FAT3: variants seen among roughly 807,000 people sequenced by gnomAD.
FAT3 encodes the protein protocadherin Fat 3.
Under a neutral mutation model 310.2 loss-of-function variants are expected in FAT3, and 95 were observed. That is an observed-to-expected ratio of 0.31 (90% CI 0.26 to 0.36). The LOEUF (loss-of-function observed/expected upper bound fraction) is 0.36. FAT3 is among the 10% of genes least tolerant of loss of function. FAT3 has a pLI of 1.00. For synonymous variants in FAT3, 2,314 were observed against 2,192.9 expected (o/e 1.06, Z -1.54); for missense variants, 5,408 against 5,715.6 (o/e 0.95, Z 1.74).
intron 2 of FAT3, among the ~76,000 whole-genome samples, chr11:92,517,323 C>T (rs184675104): frequency 6.6e-6 from 1 of 152,036 alleles, no homozygotes; most frequent in East Asian, 1.9e-4. Flanking sequence ...CCAGAAATAA[C>T]CACACATTTA....
At chr11:92,733,078 A>T (rs563928921) in intron 4 of FAT3, among the ~76,000 whole-genome samples, 1 of 152,246 alleles carries the variant, frequency 6.6e-6, no homozygotes, top group African/African-American at 2.4e-5. Flanking sequence ...GAGAGGAGGG[A>T]AGATGTGGAG....
intron 3 of FAT3, among the ~76,000 whole-genome samples, chr11:92,626,592 G>T (rs1941348700): frequency 6.6e-6 from 1 of 151,858 alleles, no homozygotes. Flanking sequence ...GGCACTTATT[G>T]TGTTCCAGAA....
intron 1 of FAT3, among the ~76,000 whole-genome samples, chr11:92,307,474 C>T (rs976437323): frequency 6.6e-6 from 1 of 152,180 alleles, no homozygotes; most frequent in Non-Finnish European, 1.5e-5. Context: ...GCCTCATCCA[C>T]AAGATCACTG....
intron 2 of FAT3, among the ~76,000 whole-genome samples, chr11:92,456,433 T>G (rs1270331388): frequency 6.6e-6 from 1 of 152,102 alleles, no homozygotes; most frequent in Non-Finnish European, 1.5e-5. Flanking sequence ...AATAAGAACC[T>G]CCTTATCATT....
At chr11:92,581,333 C>T (rs575473502) in intron 3 of FAT3, among the ~76,000 whole-genome samples, 1 of 152,108 alleles carries the variant, frequency 6.6e-6, no homozygotes, top group East Asian at 1.9e-4. Flanking sequence ...CAACGGCTCC[C>T]TCCTTGCAGT....
At chr11:92,600,583 C>T (rs1221864784) in intron 3 of FAT3, among the ~76,000 whole-genome samples, 1 of 152,102 alleles carries the variant, frequency 6.6e-6, no homozygotes, top group Admixed American at 6.5e-5. Context: ...TTCATTTGTT[C>T]ATTTGTTAAT....
intron 4 of FAT3, among the ~76,000 whole-genome samples, chr11:92,707,892 TA>T (rs1000186035): frequency 2.6e-5 from 4 of 152,210 alleles, no homozygotes; most frequent in South Asian, 2.1e-4. Flanking sequence ...ACAGCAAGTT[TA>T]AAATATGGAA....
intron 1 of FAT3, among the ~76,000 whole-genome samples, chr11:92,312,091 A>G (rs932272397): frequency 1.3e-5 from 2 of 152,216 alleles, no homozygotes; most frequent in Non-Finnish European, 2.9e-5. Flanking sequence ...TATCCCTTAC[A>G]TAAAGCATAA....
intron 2 of FAT3, among the ~76,000 whole-genome samples, chr11:92,437,924 G>A (rs1414888788): frequency 9.8e-6 from 1 of 101,984 alleles, no homozygotes; most frequent in Admixed American, 1.2e-4. Flanking sequence ...CAGAGACAGA[G>A]ACAGTTAGAC....
intron 1 of FAT3, among the ~76,000 whole-genome samples, chr11:92,285,422 G>A (rs571821250): frequency 1.1e-4 from 17 of 152,156 alleles, no homozygotes; most frequent in Non-Finnish European, 2.2e-4. Context: ...CGAATATGCT[G>A]TGCAAGCTTT....
intron 13 of FAT3, among the ~76,000 whole-genome samples, chr11:92,815,268 G>C (rs1947792599): frequency 6.6e-6 from 1 of 152,030 alleles, no homozygotes; most frequent in Non-Finnish European, 1.5e-5. Flanking sequence ...TGGTGGCTTT[G>C]AGATTTAAAA....
intron 2 of FAT3, among the ~76,000 whole-genome samples, chr11:92,397,092 C>T (rs1949886362): frequency 6.6e-6 from 1 of 152,164 alleles, no homozygotes; most frequent in South Asian, 2.1e-4. Context: ...AATGATAGTA[C>T]AATCCTATCT....
intron 3 of FAT3, among the ~76,000 whole-genome samples, chr11:92,691,241 G>T (rs567677327): frequency 5.9e-5 from 9 of 152,246 alleles, no homozygotes; most frequent in Non-Finnish European, 1.3e-4. Context: ...ATGATTTCCT[G>T]TGATCTTATG....
intron 12 of FAT3, among the ~76,000 whole-genome samples, chr11:92,807,382 G>A (rs1028704612): frequency 2.6e-5 from 4 of 152,234 alleles, no homozygotes; most frequent in African/African-American, 9.6e-5. Flanking sequence ...TGGGCTCTAA[G>A]AAATTGTAGG....
At chr11:92,337,473 C>G (rs1948119934) in intron 1 of FAT3, among the ~76,000 whole-genome samples, 1 of 152,108 alleles carries the variant, frequency 6.6e-6, no homozygotes. Context: ...CTCTCATTGC[C>G]CAGGCTGGAG....
At position 92,881,026 on chromosome 11, in the gene FAT3, C is replaced by G. The variant is rs536445565; in HGVS notation, c.12281+142C>G. On this transcript the variant is annotated intron_variant, in intron 23 of 27. Transcript: ENST00000525166. ...ATCTGCACGATACGTATAAGGAGTG[C>G]TTACAGGTGACTAAAATGTTAATAG... 47 of 863,678 alleles carry G rather than the reference C, an allele frequency of 5.4e-5. No homozygotes were observed. The African/African-American group carries it at 7.3e-4, about 13-fold the overall frequency. The allele number at this position is 863,678 out of a possible 1,614,324, so 53.5% of individuals were successfully genotyped here.
At position 92,338,423 on chromosome 11, in the gene FAT3, G is replaced by A. The variant is rs967291709; in HGVS notation, c.-17-13673G>A. On this transcript the variant is annotated intron_variant, in intron 1 of 27. Coordinates refer to ENST00000525166, the MANE Select transcript of FAT3 (RefSeq NM_001367949.2). ...GGAGAGGCATTTAAAATCTGTTTAG[G>A]TTATTGTAGCTTGGGGTAGAATTAT... 1.2e-4 allele frequency among the ~76,000 whole-genome samples: 19 copies of A among 152,200 alleles called. No individual in the cohort carries two copies. The South Asian group carries it at 3.3e-3, about 27-fold the overall frequency.
intron 2 of FAT3, among the ~76,000 whole-genome samples, chr11:92,403,009 C>A (rs1950055681): frequency 6.6e-6 from 1 of 152,124 alleles, no homozygotes; most frequent in Admixed American, 6.5e-5. Context: ...CTTTCCACCT[C>A]CACCCAACCA....
chr11:92,639,127 A>T (rs896929498), intron 3 of FAT3, among the ~76,000 whole-genome samples: 1 of 152,150 alleles, frequency 6.6e-6, no homozygotes, highest in African/African-American at 2.4e-5. Flanking sequence ...TCCAGACCAA[A>T]TCTTCTCTTG....
Sources: allele counts gnomAD v4.1 joint callset (sites outside exome capture counted in the v4.1 genomes callset), GRCh38; gene constraint gnomAD v4.1.1; transcripts MANE v1.5; gene names NCBI Gene and HGNC (gene_info 2026-07-23, HGNC 2026-07-21).